Variants in CD300C observed in about 807,000 individuals in gnomAD.
The protein encoded by CD300C is CMRF35-like molecule 6.
A neutral mutation model predicts 18.4 loss-of-function variants in CD300C; 11 were observed. The observed-to-expected ratio is 0.60, with a 90% CI of 0.38 to 0.99. CD300C has a LOEUF of 0.99. Ranked by LOEUF, CD300C falls within the 50% of genes least tolerant of loss-of-function variation. The pLI is 0.01. For synonymous variants in CD300C, 116 were observed against 116.3 expected (o/e 1.00, Z 0.02); for missense variants, 277 against 287.4 (o/e 0.96, Z 0.26).
rs146273870 is a variant in CD300C at position 74,542,240 on chromosome 17, C to G, written c.528-504G>C. Among the ~76,000 whole-genome samples the G allele has an allele frequency of 9.3e-4, 141 of 152,306 alleles. 1 individual carries two copies. The highest frequency in any genetic ancestry group is 2.5e-3 in the Admixed American group (38 of 15,310). The stretch of plus-strand genomic sequence containing the variant: ...GAATGGACAGCTCAGCTCTCAGCTC[C>G]TCAGAGGACTGGGCTTATCAAACAG... On this transcript the variant is annotated intron_variant, in intron 3 of 3. Coordinates refer to ENST00000330793, the MANE Select transcript of CD300C (RefSeq NM_006678.5).
chr17:74,545,666 C>T, intron 1 of CD300C, 56 bp downstream of exon 1: 1 of 1,397,186 alleles, frequency 7.2e-7, no homozygotes, highest in Non-Finnish European at 1.0e-6. Context: ...CTGCACCCCT[C>T]CCTGCCCTCT....
chr17:74,540,229 C>G (rs1322229679), downstream of CD300C, among the ~76,000 whole-genome samples: 1 of 152,180 alleles, frequency 6.6e-6, no homozygotes, highest in Non-Finnish European at 1.5e-5. Context: ...GCGCTCACCC[C>G]CCTCCTTTCT....
chr17:74,543,056 C>T (rs1908615384), intron 2 of CD300C, 69 bp from the exon 3 acceptor site: 1 of 1,588,408 alleles, frequency 6.3e-7, no homozygotes, highest in African/African-American at 1.3e-5. Context: ...ACCTGTTCTG[C>T]TCCAATTTTC....
chr17:74,543,791 G>T lies in CD300C; in HGVS notation c.401-804C>A, dbSNP rs535166640. 7.9e-5 allele frequency among the ~76,000 whole-genome samples: 12 copies of T among 152,270 alleles called. No individual in the cohort carries two copies. In the East Asian group the frequency reaches 2.3e-3, roughly 29 times the overall value. On this transcript the variant is annotated intron_variant, in intron 2 of 3. Transcript: ENST00000330793. Reference sequence around the variant, plus strand: ...GGTTTGTGTCTTGTGAGACAGGAGGGGGCCTTTGAGGGAAGAATGATCTTC... The same window carrying T: ...GGTTTGTGTCTTGTGAGACAGGAGGTGGCCTTTGAGGGAAGAATGATCTTC...
chr17:74,541,649 C>T lies in CD300C; in HGVS notation c.615G>A (p.Val205=). ...TTCTAGAGCTTCTCTGAGGTCTGTT[C>T]ACCCAGAGGACGGCACCCAGCATGC... ...LLSMLGAVLW[V]NRPQRSSRSR... is the part of the protein sequence containing the mutation. Residue 205 remains valine (V), a synonymous_variant, in exon 4 of 4, where the codon GTG becomes GTA. Transcript: ENST00000330793. The T allele has an allele frequency of 1.2e-6, 2 of 1,613,978 alleles. No individual in the cohort carries two copies. The highest frequency in any genetic ancestry group is 8.5e-7 in the Non-Finnish European group (1 of 1,179,890).
chr17:74,545,914 A>G lies in CD300C; in HGVS notation c.-132T>C, dbSNP rs1908745539. 3.7e-6 allele frequency: 3 copies of G among 801,544 alleles called. No individual in the cohort carries two copies. The highest frequency in any genetic ancestry group is 5.4e-5 in the East Asian group (2 of 36,844). 49.7% of individuals were successfully genotyped at this position (801,544 alleles called of 1,614,324 possible). On this transcript the variant is annotated 5_prime_UTR_variant, in exon 1 of 4. Coordinates refer to ENST00000330793, the MANE Select transcript of CD300C (RefSeq NM_006678.5). ...CTGCTTCCTTGTCCAGCCCTGTCTC[A>G]GGTCTGAGGCTGGAGAGGGTCAGGG...
At chr17:74,543,041 C>T in intron 2 of CD300C, 54 bp from the exon 3 acceptor site, 1 of 1,606,514 alleles carries the variant, frequency 6.2e-7, no homozygotes, top group South Asian at 1.1e-5. Flanking sequence ...CTCCCACTTA[C>T]TCTCACCTGT....
chr17:74,537,385 C>T (rs907700377), downstream of CD300C, among the ~76,000 whole-genome samples: 3 of 152,134 alleles, frequency 2.0e-5, no homozygotes, highest in African/African-American at 7.2e-5. Context: ...GGCACTGTGG[C>T]TCACACCTGT....
rs1329483938 is a variant in CD300C at position 74,541,667 on chromosome 17, C to T, written c.597G>A (p.Leu199=). 2.5e-6 allele frequency: 4 copies of T among 1,613,880 alleles called. No individual in the cohort carries two copies. In the African/African-American group the frequency reaches 4.0e-5, roughly 16 times the overall value. The change falls in exon 4 of 4, where the codon CTG becomes CTA. Residue 199 remains leucine (L), a synonymous_variant. Coordinates refer to ENST00000330793, the MANE Select transcript of CD300C (RefSeq NM_006678.5). ...GTCTGTTCACCCAGAGGACGGCACC[C>T]AGCATGCTCAGGAGCAGGGGCAGCT... is the stretch of plus-strand genomic sequence containing the variant. The part of the protein sequence containing the change: ...LLELPLLLSM[L]GAVLWVNRPQ...
rs779943729 is a variant in CD300C at position 74,541,737 on chromosome 17, C to T, written c.528-1G>A. 4 of 1,612,592 alleles carry T rather than the reference C, an allele frequency of 2.5e-6. No individual in the cohort carries two copies. In the South Asian group the frequency reaches 4.4e-5, roughly 18 times the overall value. On this transcript the variant is annotated splice_acceptor_variant, in intron 3 of 3. Transcript: ENST00000330793. LOFTEE classifies it high-confidence loss of function. ...GAAGCGGACATTGCTGAACAGGGAGCTGTGGGGACACGGTGACAGGCAGTG... is the reference window on the plus strand; with the variant it reads ...GAAGCGGACATTGCTGAACAGGGAGTTGTGGGGACACGGTGACAGGCAGTG...
At chr17:74,535,573 A>C in the CD300C span, among the ~76,000 whole-genome samples, 1 of 152,078 alleles carries the variant, frequency 6.6e-6, no homozygotes, top group African/African-American at 2.4e-5. Context: ...AAATAATAGA[A>C]TGTTATTAAA....
At position 74,544,910 on chromosome 17, in the gene CD300C, G is replaced by T. The variant is rs752132397; in HGVS notation, c.99C>A (p.Gly33=). ...FPLSHPMTVA[G]PVGGSLSVQC... ...GCACACTCAGGGATCCCCCCACGGGGCCCGCCACGGTCATGGGGTGGCTCA... is the reference window on the plus strand; with the variant it reads ...GCACACTCAGGGATCCCCCCACGGGTCCCGCCACGGTCATGGGGTGGCTCA... Residue 33 remains glycine, a synonymous_variant, in exon 2 of 4, where the codon GGC becomes GGA. Coordinates refer to ENST00000330793, the MANE Select transcript of CD300C (RefSeq NM_006678.5). 2 of 1,601,938 alleles carry T rather than the reference G, an allele frequency of 1.2e-6. No homozygotes were observed. The highest frequency in any genetic ancestry group is 1.7e-6 in the Non-Finnish European group (2 of 1,175,404).
At chr17:74,544,464 C>A (rs1296354464) in intron 2 of CD300C, 145 bp downstream of exon 2, 4 of 811,028 alleles carry the variant, frequency 4.9e-6, no homozygotes, top group Admixed American at 5.7e-5. Flanking sequence ...AAGACGCACT[C>A]ACACTCATCC....
downstream of CD300C, among the ~76,000 whole-genome samples, chr17:74,540,167 C>T (rs1329130184): frequency 6.6e-6 from 1 of 152,072 alleles, no homozygotes; most frequent in Non-Finnish European, 1.5e-5. Flanking sequence ...CCTGGCAGGA[C>T]ACATGCACCT....
chr17:74,538,637 C>A (rs1908448792), downstream of CD300C, among the ~76,000 whole-genome samples: 1 of 152,176 alleles, frequency 6.6e-6, no homozygotes, highest in Non-Finnish European at 1.5e-5. Flanking sequence ...CACCCAGGGA[C>A]CTGGTAGGAC....
At chr17:74,544,544 T>C (rs1908678892) in intron 2 of CD300C, 65 bp downstream of exon 2, 1 of 1,539,306 alleles carries the variant, frequency 6.5e-7, no homozygotes, top group Admixed American at 1.9e-5. Flanking sequence ...CACTTCTTTC[T>C]TCAGGGACAG....
At position 74,544,765 on chromosome 17, in the gene CD300C, C is replaced by G; in HGVS notation, c.244G>C (p.Val82Leu). 1.2e-6 allele frequency: 2 copies of G among 1,614,258 alleles called. No individual in the cohort carries two copies. Among genetic ancestry groups the G allele is most frequent in the Non-Finnish European group, 1.7e-6 (2 of 1,180,046 alleles). ...TTTGCAGGACTGTCCCTGATGGACA[C>G]TCGGCCATTCCTTTTCCCTGCTGAC... Reference protein sequence around the residue: ...KGSAGKRNGRVSIRDSPANLS... With the variant: ...KGSAGKRNGRLSIRDSPANLS... Residue 82 changes from valine to leucine, a missense_variant, in exon 2 of 4, where the codon GTG becomes CTG. By Grantham distance (32) the Val-to-Leu change is conservative. Coordinates refer to ENST00000330793, the MANE Select transcript of CD300C (RefSeq NM_006678.5).
At chr17:74,545,325 A>G (rs783229) in intron 1 of CD300C, among the ~76,000 whole-genome samples, 4,462 of 132,410 alleles carry the variant, frequency 0.034, 232 homozygotes, top group African/African-American at 0.11. Flanking sequence ...TGCATGTGTG[A>G]CTGTGTGCAT....
chr17:74,535,958 A>G, the CD300C span, among the ~76,000 whole-genome samples: 1 of 152,262 alleles, frequency 6.6e-6, no homozygotes, highest in Non-Finnish European at 1.5e-5. Flanking sequence ...CAGGGGTTGC[A>G]TTGCAGATTG....
Sources: gnomAD v4.1 joint callset for allele counts (sites outside exome capture counted in the v4.1 genomes callset) on GRCh38, gnomAD v4.1.1 for gene constraint, MANE v1.5 for transcripts, NCBI Gene and HGNC (gene_info 2026-07-23, HGNC 2026-07-21) for gene names.